PDE1A: variants seen among roughly 807,000 people sequenced by gnomAD.
The protein encoded by PDE1A is dual specificity calcium/calmodulin-dependent 3',5'-cyclic nucleotide phosphodiesterase 1A.
PDE1A carries 35 observed loss-of-function variants against 61.7 expected under a neutral mutation model. That is an observed-to-expected ratio of 0.57 (90% confidence interval 0.43 to 0.75). The LOEUF is 0.75. PDE1A is among the 30% of genes least tolerant of loss of function. PDE1A has a pLI of 0.00. For missense variants in PDE1A, 597 were observed against 630.6 expected (o/e 0.95, Z 0.57); for synonymous variants, 232 against 213.2 (o/e 1.09, Z -0.77).
At chr2:182,159,539 A>G (rs1691266956) in intron 13 of PDE1A, among the ~76,000 whole-genome samples, 1 of 152,244 alleles carries the variant, frequency 6.6e-6, no homozygotes, top group Admixed American at 6.5e-5. Flanking sequence ...ATGTTTTGTC[A>G]TGAGTTAAGC....
At chr2:182,595,232 AC>A in the PDE1A span, among the ~76,000 whole-genome samples, 1 of 152,176 alleles carries the variant, frequency 6.6e-6, no homozygotes, top group Non-Finnish European at 1.5e-5. Context: ...TAAGAAAAAA[AC>A]ATATTTCTTA....
chr2:182,657,733 T>G, the PDE1A span, among the ~76,000 whole-genome samples: 1 of 152,026 alleles, frequency 6.6e-6, no homozygotes, highest in African/African-American at 2.4e-5. Context: ...TAGACATTAG[T>G]AGGAGGTATA....
intron 2 of PDE1A, among the ~76,000 whole-genome samples, chr2:182,475,635 A>T (rs985418773): frequency 6.6e-6 from 1 of 151,988 alleles, no homozygotes; most frequent in African/African-American, 2.4e-5. Flanking sequence ...CGGGCTATTC[A>T]TTCTTTCTTC....
chr2:182,577,992 G>GGAAGGAAGGAAGGAAC, the PDE1A span, among the ~76,000 whole-genome samples: 4 of 148,222 alleles, frequency 2.7e-5, no homozygotes, highest in African/African-American at 1.0e-4. Context: ...AAGGAAGGAA[G>GGAAGGAAGGAAGGAAC]GGACGGAGGG....
chr2:182,629,910 C>T, the PDE1A span, among the ~76,000 whole-genome samples: 1 of 152,088 alleles, frequency 6.6e-6, no homozygotes, highest in Admixed American at 6.6e-5. Context: ...GAAAGTGGTG[C>T]TTTCCTTCTT....
chr2:182,540,474 A>C, the PDE1A span, among the ~76,000 whole-genome samples: 7 of 151,988 alleles, frequency 4.6e-5, no homozygotes, highest in Admixed American at 1.3e-4. Context: ...GATACAGAAA[A>C]GGGAAGCTAT....
chr2:182,505,464 C>T (rs1040773607), intron 2 of PDE1A, among the ~76,000 whole-genome samples: 4 of 152,150 alleles, frequency 2.6e-5, no homozygotes, highest in African/African-American at 9.7e-5. Context: ...AGCTATCATT[C>T]GTAGATGCTT....
At chr2:182,602,981 T>TCTCACACACACACA in the PDE1A span, among the ~76,000 whole-genome samples, 1 of 148,672 alleles carries the variant, frequency 6.7e-6, no homozygotes, top group African/African-American at 2.5e-5. Context: ...CTAAAATACA[T>TCTCACACACACACA]CACACACACA....
chr2:182,182,820 T>A lies in PDE1A; in HGVS notation c.1516+3072A>T, dbSNP rs542647926. Among the ~76,000 whole-genome samples the A allele has an allele frequency of 7.9e-5, 12 of 152,150 alleles. 1 individual carries two copies. In the East Asian group the frequency reaches 2.3e-3, roughly 29 times the overall value. Reference sequence around the variant, plus strand: ...ACACCCACCCTCCCAGACCTCTCCATCATTCTCTTTCTAACCTCCATTGTG... The same window carrying A: ...ACACCCACCCTCCCAGACCTCTCCAACATTCTCTTTCTAACCTCCATTGTG... On this transcript the variant is annotated intron_variant, in intron 13 of 13. Coordinates refer to ENST00000351439, the Ensembl canonical transcript of PDE1A.
chr2:182,650,040 A>G, the PDE1A span, among the ~76,000 whole-genome samples: 4 of 152,218 alleles, frequency 2.6e-5, no homozygotes, highest in East Asian at 7.7e-4. Flanking sequence ...GATCATATCT[A>G]GGTGTGATCG....
At chr2:182,706,321 T>C in the PDE1A span, among the ~76,000 whole-genome samples, 1 of 152,218 alleles carries the variant, frequency 6.6e-6, no homozygotes, top group South Asian at 2.1e-4. Flanking sequence ...GAAGTTGAAA[T>C]TTGAAATTTT....
At chr2:182,300,863 T>C (rs1335378445) in intron 1 of PDE1A, among the ~76,000 whole-genome samples, 1 of 152,178 alleles carries the variant, frequency 6.6e-6, no homozygotes, top group Non-Finnish European at 1.5e-5. Context: ...ATGTACGCTA[T>C]GCATGGGCTC....
At chr2:182,318,990 A>G (rs1213371486) in intron 1 of PDE1A, among the ~76,000 whole-genome samples, 1 of 152,150 alleles carries the variant, frequency 6.6e-6, no homozygotes, top group Admixed American at 6.5e-5. Flanking sequence ...TTGGAGAATG[A>G]AGATATTCTT....
intron 1 of PDE1A, among the ~76,000 whole-genome samples, chr2:182,352,298 C>G (rs917230884): frequency 6.6e-6 from 1 of 152,140 alleles, no homozygotes; most frequent in African/African-American, 2.4e-5. Flanking sequence ...TGTCACATTG[C>G]CCCTGTGGGA....
At chr2:182,716,346 C>A in the PDE1A span, 8 of 152,398 alleles carry the variant, frequency 5.2e-5, no homozygotes, top group African/African-American at 1.9e-4. Context: ...CTCACCAATC[C>A]CGTGCGCCGC....
At chr2:182,703,814 T>A in the PDE1A span, among the ~76,000 whole-genome samples, 3 of 152,170 alleles carry the variant, frequency 2.0e-5, no homozygotes, top group African/African-American at 7.2e-5. Flanking sequence ...AAGTAAGGCA[T>A]ATTCCAGGCC....
At chr2:182,475,712 A>C (rs1687313641) in intron 2 of PDE1A, among the ~76,000 whole-genome samples, 1 of 151,908 alleles carries the variant, frequency 6.6e-6, no homozygotes, top group Non-Finnish European at 1.5e-5. Flanking sequence ...CTTGCCTTTA[A>C]TGAAGTTAAT....
In PDE1A at chr2:182,201,658, A is replaced by C. The variant is rs762282790; in HGVS notation, c.1004+30T>G. The C allele has an allele frequency of 3.3e-4, 517 of 1,552,264 alleles. 10 individuals are homozygous for C. In the Middle Eastern group the frequency reaches 5.0e-3, roughly 15 times the overall value. ...CTGGAACTTTAACATGACAAAAAAA[A>C]AAAAACAACAAAAAAAACACAAAAC... On this transcript the variant is annotated intron_variant, in intron 9 of 13. Coordinates refer to ENST00000351439, the Ensembl canonical transcript of PDE1A.
chr2:182,711,111 G>A, the PDE1A span, among the ~76,000 whole-genome samples: 1 of 152,204 alleles, frequency 6.6e-6, no homozygotes. Flanking sequence ...GGCAGTGAGG[G>A]TGAGTCACTG....
Sources: allele counts gnomAD v4.1 joint callset (sites outside exome capture counted in the v4.1 genomes callset), GRCh38; gene constraint gnomAD v4.1.1; transcripts MANE v1.5; gene names NCBI Gene and HGNC (gene_info 2026-07-23, HGNC 2026-07-21).